The following PNPLA8 variants were observed in gnomAD, a reference collection of about 807,000 sequenced individuals.
PNPLA8 encodes the protein patatin like domain 8, phospholipase A2, also known as calcium-independent phospholipase A2-gamma.
PNPLA8 carries 39 observed loss-of-function variants against 76.9 expected under a neutral mutation model. That is an observed-to-expected ratio of 0.51 (90% CI 0.39 to 0.66). PNPLA8 has a LOEUF of 0.66. Ranked by LOEUF, PNPLA8 falls within the 30% of genes least tolerant of loss-of-function variation. The pLI, the probability that PNPLA8 is intolerant of heterozygous loss-of-function variation, is 0.00. For synonymous variants in PNPLA8, 301 were observed against 307.9 expected (o/e 0.98, Z 0.24); for missense variants, 887 against 918.0 (o/e 0.97, Z 0.44).
rs762692852 is a variant in PNPLA8, at chr7:108,514,911, C to T, written c.581G>A (p.Ser194Asn). The change falls in exon 3 of 11, where the codon AGT becomes AAT. Residue 194 changes from serine (S) to asparagine (N), a missense_variant. Physicochemically the swap from Ser to Asn is conservative, Grantham distance 46. Coordinates refer to ENST00000257694, the MANE Select transcript of PNPLA8 (RefSeq NM_001256007.3). ...IGKRSLFHYT[S>N]SITTKFGDSF... ...GTCTCCAAATTTTGTGGTTATAGAA[C>T]TTGTGTAATGAAAAAGACTGCGTTT... 2 of 1,609,240 alleles carry T rather than the reference C, an allele frequency of 1.2e-6. No individual in the cohort carries two copies. The highest frequency in any genetic ancestry group is 2.2e-5 in the South Asian group (2 of 90,378).
chr7:108,499,231 A>G (rs1227534299), intron 5 of PNPLA8, among the ~76,000 whole-genome samples: 1 of 152,218 alleles, frequency 6.6e-6, no homozygotes, highest in Non-Finnish European at 1.5e-5. Context: ...AATAATCTTA[A>G]GAGTTGTGAG....
At position 108,472,104 on chromosome 7, in the gene PNPLA8, A is replaced by C. The variant is rs1330441784; in HGVS notation, c.*297T>G. 1 of 201,162 alleles carries C rather than the reference A, an allele frequency of 5.0e-6. No homozygotes were observed. 12.5% of individuals were successfully genotyped at this position (201,162 alleles called of 1,614,324 possible). A position where few individuals can be genotyped will look rare whatever the true frequency, so the allele number is the denominator to read the frequency against. On this transcript the variant is annotated 3_prime_UTR_variant, in exon 11 of 11. Coordinates refer to ENST00000257694, the MANE Select transcript of PNPLA8 (RefSeq NM_001256007.3). ...GGTTTCTTGTTCGGCACATATATTA[A>C]TATATTTTCAAACATCAAACAATAT...
intron 9 of PNPLA8, among the ~76,000 whole-genome samples, chr7:108,481,045 A>G (rs1860358410): frequency 6.6e-6 from 1 of 152,196 alleles, no homozygotes; most frequent in South Asian, 2.1e-4. Context: ...AGTTGCATGT[A>G]TCAATAGTTT....
Position 108,521,467 on chromosome 7 carries a change from TC to T in PNPLA8, c.-84+8del. The T allele has an allele frequency of 2.7e-6, 2 of 751,154 alleles. No individual in the cohort carries two copies. The highest frequency in any genetic ancestry group is 3.2e-6 in the Non-Finnish European group (2 of 616,010). 46.5% of individuals were successfully genotyped at this position (751,154 alleles called of 1,614,324 possible). Reference sequence around the variant, plus strand: ...GAGACATTACAAAATAAAGGAATGATCCACTTACTTATTAAACTTCAGGTAA... The same window carrying T: ...GAGACATTACAAAATAAAGGAATGATCACTTACTTATTAAACTTCAGGTAA... On this transcript the variant is annotated splice_region_variant and intron_variant, in intron 2 of 10. Coordinates refer to ENST00000257694, the MANE Select transcript of PNPLA8 (RefSeq NM_001256007.3).
intron 6 of PNPLA8, among the ~76,000 whole-genome samples, 172 bp downstream of exon 6, chr7:108,497,311 G>C (rs1057299847): frequency 1.3e-5 from 2 of 152,188 alleles, no homozygotes; most frequent in Admixed American, 6.5e-5. Flanking sequence ...CTGCCACCTA[G>C]TGTGCCTAAC....
At chr7:108,493,568 C>CTTTTTTTT (rs34935118) in intron 7 of PNPLA8, among the ~76,000 whole-genome samples, 2,390 of 81,038 alleles carry the variant, frequency 0.029, no homozygotes, top group East Asian at 0.046. Context: ...CCATGCCTGG[C>CTTTTTTTT]TTTTTTTTTT....
intron 8 of PNPLA8, among the ~76,000 whole-genome samples, chr7:108,490,048 A>C (rs1336051789): frequency 6.6e-6 from 1 of 152,258 alleles, no homozygotes; most frequent in Non-Finnish European, 1.5e-5. Context: ...ATAAGACTAT[A>C]AACGGGCTTC....
chr7:108,519,853 AAAG>A (rs1231323423), intron 2 of PNPLA8, among the ~76,000 whole-genome samples: 3 of 152,190 alleles, frequency 2.0e-5, no homozygotes, highest in Admixed American at 2.0e-4. Context: ...TTGCTGCAGA[AAAG>A]AAGACTGAAG....
intron 10 of PNPLA8, among the ~76,000 whole-genome samples, chr7:108,477,195 G>A (rs1466499540): frequency 6.6e-6 from 1 of 152,132 alleles, no homozygotes; most frequent in African/African-American, 2.4e-5. Flanking sequence ...CTTATTAGCT[G>A]GATTGTGGGA....
intron 4 of PNPLA8, chr7:108,510,104 C>A (rs1160678155): frequency 1.9e-6 from 1 of 518,188 alleles, no homozygotes; most frequent in Non-Finnish European, 3.3e-6. Context: ...GTGCAGCGCA[C>A]CAGCATGGCA....
At chr7:108,502,845 C>A in intron 4 of PNPLA8, 1 of 368,662 alleles carries the variant, frequency 2.7e-6, no homozygotes, top group East Asian at 4.2e-5. Context: ...ATATTGAGGA[C>A]AAAAATTAAC....
chr7:108,491,591 G>C (rs1861172839), intron 7 of PNPLA8, 124 bp from the exon 8 acceptor site: 2 of 668,368 alleles, frequency 3.0e-6, no homozygotes, highest in African/African-American at 3.6e-5. Flanking sequence ...AGGAAAACAT[G>C]TAAGACTCTC....
At chr7:108,511,789 G>A (rs771993575) in intron 4 of PNPLA8, among the ~76,000 whole-genome samples, 2 of 152,096 alleles carry the variant, frequency 1.3e-5, no homozygotes, top group Non-Finnish European at 2.9e-5. Flanking sequence ...TACTGATATA[G>A]AAAGGTATAC....
At chr7:108,503,715 T>A (rs532008196) in intron 4 of PNPLA8, among the ~76,000 whole-genome samples, 1 of 152,164 alleles carries the variant, frequency 6.6e-6, no homozygotes, top group Non-Finnish European at 1.5e-5. Flanking sequence ...GGAAGTGAGC[T>A]GGTAAACTAT....
chr7:108,517,523 G>A (rs148385997), intron 2 of PNPLA8, among the ~76,000 whole-genome samples: 183 of 152,304 alleles, frequency 1.2e-3, no homozygotes, highest in African/African-American at 3.8e-3. Context: ...GTAAGTGAAT[G>A]GATAAACTGT....
chr7:108,480,268 TGAG>T (rs1269390542), intron 9 of PNPLA8, among the ~76,000 whole-genome samples: 1 of 152,060 alleles, frequency 6.6e-6, no homozygotes, highest in Non-Finnish European at 1.5e-5. Context: ...TTCAGGAGGC[TGAG>T]GTGGGAGAAT....
At chr7:108,479,586 A>G in intron 9 of PNPLA8, 1 of 611,112 alleles carries the variant, frequency 1.6e-6, no homozygotes. Flanking sequence ...CCTATTATGA[A>G]AGTTCTTTGA....
intron 4 of PNPLA8, among the ~76,000 whole-genome samples, chr7:108,503,326 T>A (rs975323861): frequency 2.0e-5 from 3 of 152,232 alleles, no homozygotes; most frequent in Non-Finnish European, 4.4e-5. Context: ...ACCGCAGGTT[T>A]AATGGAATGG....
chr7:108,489,785 A>C (rs1861010236), intron 8 of PNPLA8, among the ~76,000 whole-genome samples: 1 of 152,222 alleles, frequency 6.6e-6, no homozygotes, highest in Non-Finnish European at 1.5e-5. Flanking sequence ...TCTGAGAATA[A>C]ATACAAGCTG....
Sources: allele counts gnomAD v4.1 joint callset (sites outside exome capture counted in the v4.1 genomes callset), GRCh38; gene constraint gnomAD v4.1.1; transcripts MANE v1.5; gene names NCBI Gene and HGNC (gene_info 2026-07-23, HGNC 2026-07-21).